Variants in KIFC3 observed in about 807,000 individuals in gnomAD.
KIFC3 encodes the protein kinesin-like protein KIFC3.
A neutral mutation model predicts 101.8 loss-of-function variants in KIFC3; 60 were observed. The observed-to-expected ratio is 0.59, with a 90% CI of 0.48 to 0.73. The LOEUF (loss-of-function observed/expected upper bound fraction) is 0.73, where lower values mean the gene tolerates loss of function less well. Among genes scored for constraint, KIFC3 ranks in the 30% least tolerant of loss-of-function variants. The pLI is 0.00. For missense variants in KIFC3, 966 were observed against 1,137.1 expected (o/e 0.85, Z 2.16); for synonymous variants, 476 against 482.7 (o/e 0.99, Z 0.18).
chr16:57,759,174 G>C (rs141124624), intron 18 of KIFC3, 21 bp from the exon 19 acceptor site: 27 of 1,550,764 alleles, frequency 1.7e-5, no homozygotes, highest in Non-Finnish European at 2.2e-5. Flanking sequence ...AGTGACAGGC[G>C]TCTCACTGGT....
intron 1 of KIFC3, among the ~76,000 whole-genome samples, chr16:57,835,375 G>A (rs2055665754): frequency 6.6e-6 from 1 of 152,172 alleles, no homozygotes; most frequent in South Asian, 2.1e-4. Flanking sequence ...GTTTCAGAAA[G>A]CAACAAAGAT....
intron 1 of KIFC3, among the ~76,000 whole-genome samples, chr16:57,850,902 T>C (rs1352494097): frequency 6.6e-6 from 1 of 152,202 alleles, no homozygotes; most frequent in Non-Finnish European, 1.5e-5. Context: ...CTCTCTGGAA[T>C]TCTTTGAAAT....
chr16:57,811,595 T>C (rs1210438415), intron 1 of KIFC3, among the ~76,000 whole-genome samples: 1 of 151,660 alleles, frequency 6.6e-6, no homozygotes, highest in Non-Finnish European at 1.5e-5. Flanking sequence ...ATGGAGTGCA[T>C]ACCTATGGTC....
At chr16:57,783,121 C>A (rs1359645555) in intron 3 of KIFC3, among the ~76,000 whole-genome samples, 1 of 152,122 alleles carries the variant, frequency 6.6e-6, no homozygotes, top group African/African-American at 2.4e-5. Flanking sequence ...CCTCACTTTC[C>A]CTTCTTAAAA....
chr16:57,789,117 C>T (rs2967120), intron 3 of KIFC3, among the ~76,000 whole-genome samples: 84,943 of 152,104 alleles, frequency 0.56, 26,409 homozygotes, highest in Non-Finnish European at 0.7. Flanking sequence ...AGGGCAACTG[C>T]TCCCATGCCA....
chr16:57,781,271 C>T (rs4539585), intron 3 of KIFC3, among the ~76,000 whole-genome samples: 3,060 of 152,194 alleles, frequency 0.02, 117 homozygotes, highest in African/African-American at 0.07. Flanking sequence ...GCTGTGATCA[C>T]GCCCCTGCAC....
intron 9 of KIFC3, among the ~76,000 whole-genome samples, chr16:57,767,314 A>G (rs2050606370): frequency 6.6e-6 from 1 of 152,184 alleles, no homozygotes; most frequent in Non-Finnish European, 1.5e-5. Flanking sequence ...TCTGCCCCTG[A>G]GTAGCTGGGG....
At chr16:57,802,627 G>A, upstream of KIFC3, 1 of 1,030,846 alleles carries the variant, frequency 9.7e-7, no homozygotes, top group South Asian at 3.5e-5. The surrounding 1 kb of genome is among the most constrained non-coding windows in gnomAD (Gnocchi z 5.0). Context: ...GCCCGGGCGC[G>A]CCCCCGCAGG....
chr16:57,835,037 G>A (rs1555480112), intron 1 of KIFC3, among the ~76,000 whole-genome samples: 1 of 152,186 alleles, frequency 6.6e-6, no homozygotes, highest in Non-Finnish European at 1.5e-5. Flanking sequence ...CTGCTTTCTT[G>A]TGCTTTCCTC....
rs376049381 is a variant in KIFC3 at position 57,766,866 on chromosome 16, G to A, written c.1330+8C>T. On this transcript the variant is annotated splice_region_variant and intron_variant, in intron 10 of 19. Transcript: ENST00000445690. Reference sequence around the variant, plus strand: ...GCCAGCGCCCACCCCCAGCCCTCCTGCAGTCACCTTTCAGCCGCACGAGCT... The same window carrying A: ...GCCAGCGCCCACCCCCAGCCCTCCTACAGTCACCTTTCAGCCGCACGAGCT... 5.6e-6 allele frequency: 9 copies of A among 1,603,118 alleles called. No homozygotes were observed. The African/African-American group carries it at 1.1e-4, about 19-fold the overall frequency.
intron 1 of KIFC3, among the ~76,000 whole-genome samples, chr16:57,811,964 G>A (rs2055090574): frequency 1.3e-5 from 2 of 149,650 alleles, no homozygotes; most frequent in Admixed American, 6.6e-5. Flanking sequence ...AATCACTTGA[G>A]CCCAGGAGTT....
intron 3 of KIFC3, chr16:57,779,216 CGTG>C (rs2052451037): frequency 1.3e-5 from 2 of 152,130 alleles, no homozygotes; most frequent in Admixed American, 1.3e-4. Flanking sequence ...ACAAACAAAA[CGTG>C]GTATATCCAT....
At chr16:57,795,218 G>T in intron 2 of KIFC3, 77 bp from the exon 3 acceptor site, 1 of 1,525,068 alleles carries the variant, frequency 6.6e-7, no homozygotes, top group South Asian at 1.2e-5. Context: ...ACTGGCCAGG[G>T]CCGCAGCTGA....
At chr16:57,847,601 C>T (rs1210414761) in intron 1 of KIFC3, among the ~76,000 whole-genome samples, 1 of 152,052 alleles carries the variant, frequency 6.6e-6, no homozygotes, top group Non-Finnish European at 1.5e-5. Flanking sequence ...GACACAAACA[C>T]ACAGGGCTGC....
At chr16:57,771,083 C>T in intron 6 of KIFC3, 115 bp downstream of exon 6, 2 of 1,328,492 alleles carry the variant, frequency 1.5e-6, no homozygotes, top group Non-Finnish European at 2.1e-6. Flanking sequence ...TGGAATGATT[C>T]TTCCACCCAC....
intron 1 of KIFC3, among the ~76,000 whole-genome samples, chr16:57,843,891 T>A (rs2055861203): frequency 1.3e-5 from 2 of 151,700 alleles, no homozygotes; most frequent in Non-Finnish European, 2.9e-5. Flanking sequence ...GCAGATCATT[T>A]GAGGTCAGGA....
chr16:57,789,057 C>T (rs971315887), intron 3 of KIFC3, among the ~76,000 whole-genome samples: 32 of 152,334 alleles, frequency 2.1e-4, no homozygotes, highest in Middle Eastern at 6.8e-3. Flanking sequence ...GCTTCCGGTG[C>T]GCACACCCCA....
Position 57,800,287 on chromosome 16 carries a change from C to T in KIFC3, c.-39-2005G>A, listed in dbSNP as rs556530598. On this transcript the variant is annotated intron_variant, in intron 1 of 19. Transcript: ENST00000445690. ...TAGGAGGCTCCTAGGTTCAGTCTTA[C>T]TGGGAAGGGGATGGGAATGTGGGCC... Among the ~76,000 whole-genome samples, 8 of 152,250 alleles carry T rather than the reference C, an allele frequency of 5.3e-5. No individual in the cohort carries two copies. In the South Asian group the frequency reaches 1.7e-3, roughly 32 times the overall value.
At chr16:57,835,078 C>T (rs2055658874) in intron 1 of KIFC3, among the ~76,000 whole-genome samples, 1 of 152,186 alleles carries the variant, frequency 6.6e-6, no homozygotes, top group East Asian at 1.9e-4. Context: ...GCAGGCCCCT[C>T]CTTCTGTGAG....
Sources: allele counts gnomAD v4.1 joint callset (sites outside exome capture counted in the v4.1 genomes callset), GRCh38; gene constraint gnomAD v4.1.1; non-coding constraint Gnocchi (gnomAD v3.1); transcripts MANE v1.5; gene names NCBI Gene and HGNC (gene_info 2026-07-23, HGNC 2026-07-21).